UGT1A9: variants seen among roughly 807,000 people sequenced by gnomAD.
UGT1A9 encodes UDP-glucuronosyltransferase 1A9.
A neutral mutation model predicts 45.0 loss-of-function variants in UGT1A9; 35 were observed. That is an observed-to-expected ratio of 0.78 (90% CI 0.59 to 1.03). UGT1A9 has a LOEUF of 1.03. UGT1A9 is among the 50% of genes least tolerant of loss of function. UGT1A9 has a pLI of 0.00. For missense variants in UGT1A9, 687 were observed against 666.6 expected (o/e 1.03, Z -0.34); for synonymous variants, 278 against 250.6 (o/e 1.11, Z -1.03).
At chr2:233,680,980 G>A (rs1217672333) in intron 1 of UGT1A9, among the ~76,000 whole-genome samples, 3 of 151,976 alleles carry the variant, frequency 2.0e-5, no homozygotes, top group Admixed American at 1.3e-4. Flanking sequence ...CATGGAGGCA[G>A]GGTTGTCAAT....
At chr2:233,760,902 C>T (rs1400244302) in intron 1 of UGT1A9, 7 of 1,613,974 alleles carry the variant, frequency 4.3e-6, no homozygotes, top group Non-Finnish European at 5.9e-6. Context: ...ATCACATGAC[C>T]TTCCTGCAGC....
intron 1 of UGT1A9, among the ~76,000 whole-genome samples, chr2:233,699,813 T>C (rs1466626716): frequency 1.3e-5 from 2 of 152,226 alleles, no homozygotes; most frequent in African/African-American, 4.8e-5. Flanking sequence ...GTCATCTAAA[T>C]AGTAGTTCTC....
At chr2:233,771,238 A>G (rs1201821229) in intron 4 of UGT1A9, 1 of 152,168 alleles carries the variant, frequency 6.6e-6, no homozygotes, top group Non-Finnish European at 1.5e-5. Context: ...CAGCGATCAT[A>G]ATTAGTCCTG....
intron 1 of UGT1A9, among the ~76,000 whole-genome samples, chr2:233,695,423 CT>C (rs2075287653): frequency 2.6e-5 from 2 of 76,322 alleles, no homozygotes; most frequent in Non-Finnish European, 6.4e-5. Context: ...CGCGCCCGGC[CT>C]TCTTCTTCTT....
In UGT1A9 at chr2:233,738,655, C is replaced by T. The variant is rs542122703; in HGVS notation, c.856-28379C>T. Among the ~76,000 whole-genome samples, 17 of 152,092 alleles carry T rather than the reference C, an allele frequency of 1.1e-4. No homozygotes were observed. The East Asian group carries it at 1.4e-3, about 12-fold the overall frequency. On this transcript the variant is annotated intron_variant, in intron 1 of 4. Coordinates refer to ENST00000354728, the MANE Select transcript of UGT1A9 (RefSeq NM_021027.3). Reference sequence around the variant, plus strand: ...CCTGCCCTAGAGCTCTTTGGAACTACGAACTTGAGAGAGATGATCTGAAAT... The same window carrying T: ...CCTGCCCTAGAGCTCTTTGGAACTATGAACTTGAGAGAGATGATCTGAAAT...
chr2:233,679,113 T>G lies in UGT1A9; in HGVS notation c.855+6324T>G, dbSNP rs564328897. On this transcript the variant is annotated intron_variant, in intron 1 of 4. Transcript: ENST00000354728. ...AAAACTGTGTGTAATGAGTTCTAAA[T>G]TTCCTTAAGACACCTGATTGAGAGA... 4.0e-4 allele frequency among the ~76,000 whole-genome samples: 61 copies of G among 152,344 alleles called. 1 individual carries two copies. The highest frequency in any genetic ancestry group is 7.2e-4 in the Non-Finnish European group (49 of 68,038).
chr2:233,762,986 G>A (rs1271717565), intron 1 of UGT1A9, among the ~76,000 whole-genome samples: 1 of 152,018 alleles, frequency 6.6e-6, no homozygotes, highest in Non-Finnish European at 1.5e-5. Context: ...CTATTTTAGT[G>A]GAAATTGATT....
At chr2:233,674,147 T>C (rs1212951482) in intron 1 of UGT1A9, among the ~76,000 whole-genome samples, 1 of 152,194 alleles carries the variant, frequency 6.6e-6, no homozygotes, top group African/African-American at 2.4e-5. Flanking sequence ...CAAGGTTCAG[T>C]AGACTTGGTA....
At chr2:233,693,514 C>T in intron 1 of UGT1A9, 16 of 1,614,208 alleles carry the variant, frequency 9.9e-6, no homozygotes, top group Non-Finnish European at 1.4e-5. Context: ...CTGTGTACCT[C>T]TTCAGGGGTT....
chr2:233,686,298 CAA>C (rs1042639536), intron 1 of UGT1A9, among the ~76,000 whole-genome samples: 4 of 151,070 alleles, frequency 2.6e-5, no homozygotes, highest in African/African-American at 7.3e-5. Flanking sequence ...ACAAGAAAAA[CAA>C]GAGATAAATC....
intron 1 of UGT1A9, among the ~76,000 whole-genome samples, chr2:233,763,269 T>C (rs934722016): frequency 6.6e-6 from 1 of 152,266 alleles, no homozygotes; most frequent in Non-Finnish European, 1.5e-5. Context: ...TCTTGTTGCA[T>C]GTTTTAATCT....
intron 1 of UGT1A9, among the ~76,000 whole-genome samples, chr2:233,688,542 C>A (rs561616482): frequency 6.6e-6 from 1 of 152,192 alleles, no homozygotes; most frequent in Non-Finnish European, 1.5e-5. Context: ...ACTTACATCA[C>A]ATGGTCTCTA....
chr2:233,692,118 A>G (rs917986255), intron 1 of UGT1A9: 1 of 152,200 alleles, frequency 6.6e-6, no homozygotes, highest in East Asian at 1.9e-4. Context: ...AATCTAATCA[A>G]TCATGCCTAC....
chr2:233,738,466 G>C (rs1690794725), intron 1 of UGT1A9, among the ~76,000 whole-genome samples: 1 of 152,190 alleles, frequency 6.6e-6, no homozygotes, highest in Non-Finnish European at 1.5e-5. Context: ...GGGAAAGTTT[G>C]GAACTTCCTG....
chr2:233,723,542 A>ATTTTTTTTTTT (rs2077098328), intron 1 of UGT1A9, among the ~76,000 whole-genome samples: 1 of 74,518 alleles, frequency 1.3e-5, no homozygotes. Context: ...TTTTTAATTT[A>ATTTTTTTTTTT]TTTTTTTATT....
chr2:233,692,971 C>G, intron 1 of UGT1A9: 2 of 1,611,844 alleles, frequency 1.2e-6, no homozygotes, highest in South Asian at 1.1e-5. Flanking sequence ...AGTGAAAACT[C>G]TTTATTACCG....
At chr2:233,695,417 C>T (rs552700475) in intron 1 of UGT1A9, among the ~76,000 whole-genome samples, 1 of 142,156 alleles carries the variant, frequency 7.0e-6, no homozygotes, top group Admixed American at 6.8e-5. Flanking sequence ...AGCTACCGCG[C>T]CCGGCCTTCT....
intron 1 of UGT1A9, chr2:233,747,355 T>C: frequency 1.2e-6 from 2 of 1,603,184 alleles, no homozygotes; most frequent in East Asian, 2.2e-5. Context: ...CGGGAGGCCG[T>C]GCGGGAGCTC....
intron 1 of UGT1A9, among the ~76,000 whole-genome samples, chr2:233,731,827 A>G (rs1471240623): frequency 6.6e-6 from 1 of 152,154 alleles, no homozygotes; most frequent in Admixed American, 6.5e-5. Flanking sequence ...GTCAAATGGT[A>G]TTTCTAGTTC....
Sources: gnomAD v4.1 joint callset for allele counts (sites outside exome capture counted in the v4.1 genomes callset) on GRCh38, gnomAD v4.1.1 for gene constraint, MANE v1.5 for transcripts, NCBI Gene and HGNC (gene_info 2026-07-23, HGNC 2026-07-21) for gene names.